GBE1: variants seen among roughly 807,000 people sequenced by gnomAD.
GBE1 encodes the protein 1,4-alpha-glucan branching enzyme 1, also known as 1,4-alpha-glucan-branching enzyme.
GBE1 carries 70 observed loss-of-function variants against 88.8 expected under a neutral mutation model. The ratio of observed to expected loss-of-function variants is 0.79; its 90% CI spans 0.65 to 0.96. The LOEUF is 0.96. Among genes scored for constraint, GBE1 ranks in the 40% least tolerant of loss-of-function variants. The pLI is 0.00. For missense variants in GBE1, 872 were observed against 871.0 expected (o/e 1.00, Z -0.01); for synonymous variants, 284 against 300.1 (o/e 0.95, Z 0.56).
At position 81,705,429 on chromosome 3, in the gene GBE1, C is replaced by T. The variant is rs184391304; in HGVS notation, c.313+15G>A. Reference sequence around the variant, plus strand: ...TAAGATATTACTATTTAGTTCAATGCTTTCAAGTACTTACTAAAATCTCCA... The same window carrying T: ...TAAGATATTACTATTTAGTTCAATGTTTTCAAGTACTTACTAAAATCTCCA... On this transcript the variant is annotated intron_variant, in intron 2 of 15. Transcript: ENST00000429644. 381 of 1,540,322 alleles carry T rather than the reference C, an allele frequency of 2.5e-4. No homozygotes were observed. Among genetic ancestry groups the T allele is most frequent in the Non-Finnish European group, 3.0e-4 (343 of 1,145,528 alleles).
intron 14 of GBE1, among the ~76,000 whole-genome samples, chr3:81,525,870 T>G (rs758755358): frequency 6.6e-6 from 1 of 152,066 alleles, no homozygotes; most frequent in Non-Finnish European, 1.5e-5. Context: ...TGGGGGTTGG[T>G]GGTGATATCC....
At chr3:81,735,727 G>A (rs2680267) in intron 1 of GBE1, among the ~76,000 whole-genome samples, 145,575 of 152,286 alleles carry the variant, frequency 0.96, 69,626 homozygotes, top group East Asian at 1. Context: ...GATTTAAAGT[G>A]TACATTTGTG....
At chr3:81,648,161 C>G (rs1455824346) in intron 5 of GBE1, among the ~76,000 whole-genome samples, 1 of 152,096 alleles carries the variant, frequency 6.6e-6, no homozygotes, top group African/African-American at 2.4e-5. Flanking sequence ...AATTTGGACT[C>G]TCTAGCAGAA....
At chr3:81,731,002 T>C (rs934082513) in intron 1 of GBE1, among the ~76,000 whole-genome samples, 2 of 152,206 alleles carry the variant, frequency 1.3e-5, no homozygotes, top group Non-Finnish European at 2.9e-5. Context: ...TGGGACTTTG[T>C]GGATTACCTA....
intron 7 of GBE1, among the ~76,000 whole-genome samples, chr3:81,606,698 T>C (rs949213430): frequency 1.3e-5 from 2 of 152,240 alleles, no homozygotes; most frequent in Admixed American, 1.3e-4. Context: ...CCTAGCCAAA[T>C]GTCAATTAGA....
At chr3:81,699,914 A>C (rs1464993031) in intron 2 of GBE1, among the ~76,000 whole-genome samples, 1 of 152,234 alleles carries the variant, frequency 6.6e-6, no homozygotes, top group African/African-American at 2.4e-5. Flanking sequence ...CATTGACATA[A>C]GGCTTGGCCA....
chr3:81,560,314 A>C (rs951417219), intron 12 of GBE1, among the ~76,000 whole-genome samples: 2 of 152,022 alleles, frequency 1.3e-5, no homozygotes, highest in Non-Finnish European at 2.9e-5. Flanking sequence ...TAGATCAGAT[A>C]ATGTTTCTTA....
intron 14 of GBE1, among the ~76,000 whole-genome samples, chr3:81,506,035 A>C (rs1451345676): frequency 6.6e-6 from 1 of 152,114 alleles, no homozygotes; most frequent in Non-Finnish European, 1.5e-5. Flanking sequence ...CATGACGAAG[A>C]CACTAAAAGC....
chr3:81,528,229 AG>A (rs1483356402), intron 14 of GBE1, among the ~76,000 whole-genome samples: 2 of 30,274 alleles, frequency 6.6e-5, no homozygotes, highest in Non-Finnish European at 1.2e-4. Flanking sequence ...GGGTGGGAGG[AG>A]GGGGGAGGGG....
At chr3:81,674,981 A>G in intron 2 of GBE1, among the ~76,000 whole-genome samples, 1 of 152,044 alleles carries the variant, frequency 6.6e-6, no homozygotes, top group Non-Finnish European at 1.5e-5. Context: ...TATAGTTTAC[A>G]TGAGAATCAC....
Position 81,490,254 on chromosome 3 carries a change from TG to T in GBE1, c.*152del. ...CCCATCTACTTAAATAAAAGTTTGCTGTATTTGCATAAACCAATATTGAATT... is the reference window on the plus strand; with the variant it reads ...CCCATCTACTTAAATAAAAGTTTGCTTATTTGCATAAACCAATATTGAATT... On this transcript the variant is annotated 3_prime_UTR_variant, in exon 16 of 16. Transcript: ENST00000429644. The T allele has an allele frequency of 1.6e-6, 1 of 640,250 alleles. No homozygotes were observed. The highest frequency in any genetic ancestry group is 1.9e-5 in the South Asian group (1 of 51,880). The allele number at this position is 640,250 out of a possible 1,614,324, so 39.7% of individuals were successfully genotyped here. A position where few individuals can be genotyped will look rare whatever the true frequency, so the allele number is the denominator to read the frequency against.
intron 3 of GBE1, among the ~76,000 whole-genome samples, chr3:81,650,593 G>T (rs1031800910): frequency 1.3e-5 from 2 of 151,536 alleles, no homozygotes; most frequent in Admixed American, 6.6e-5. Context: ...TTAAGACTTA[G>T]AACTGAATAA....
intron 2 of GBE1, among the ~76,000 whole-genome samples, chr3:81,693,596 T>C (rs1013331281): frequency 5.9e-5 from 9 of 152,270 alleles, no homozygotes; most frequent in African/African-American, 2.2e-4. Context: ...TAACACAGTA[T>C]TTGGCACACA....
At chr3:81,576,724 T>G (rs1461656645) in intron 12 of GBE1, among the ~76,000 whole-genome samples, 4 of 151,710 alleles carry the variant, frequency 2.6e-5, no homozygotes, top group Non-Finnish European at 4.4e-5. Context: ...GTCTCACAAC[T>G]CAGGAAGGTC....
chr3:81,615,859 G>A (rs1316482880), intron 7 of GBE1, among the ~76,000 whole-genome samples: 3 of 152,116 alleles, frequency 2.0e-5, no homozygotes, highest in Non-Finnish European at 2.9e-5. Flanking sequence ...CTACTACATT[G>A]TTTTGCAGTG....
intron 6 of GBE1, among the ~76,000 whole-genome samples, chr3:81,645,933 G>T (rs1193285727): frequency 6.6e-6 from 1 of 152,100 alleles, no homozygotes; most frequent in Non-Finnish European, 1.5e-5. Flanking sequence ...GAATCCCTTG[G>T]TGTCTTTTCT....
Position 81,693,140 on chromosome 3 carries a change from G to T in GBE1, c.313+12304C>A, listed in dbSNP as rs76676710. ...ATCAGCTTGACAAAAAAGGTCTCAT[G>T]TATCATTTAAATCAATTACAGATTC... On this transcript the variant is annotated intron_variant, in intron 2 of 15. Transcript: ENST00000429644. Among the ~76,000 whole-genome samples the T allele has an allele frequency of 1.4e-4, 21 of 152,226 alleles. No homozygotes were observed. In the East Asian group the frequency reaches 4.0e-3, roughly 29 times the overall value.
At chr3:81,577,479 C>A (rs2106932963) in intron 12 of GBE1, among the ~76,000 whole-genome samples, 1 of 152,194 alleles carries the variant, frequency 6.6e-6, no homozygotes, top group East Asian at 1.9e-4. Flanking sequence ...AACACAATAT[C>A]TCTGAACCTA....
At chr3:81,533,459 T>C (rs1322710041) in intron 14 of GBE1, among the ~76,000 whole-genome samples, 1 of 152,074 alleles carries the variant, frequency 6.6e-6, no homozygotes, top group East Asian at 1.9e-4. Flanking sequence ...TCTGATGTTA[T>C]GTGGAACAGT....
Sources: gnomAD v4.1 joint callset for allele counts (sites outside exome capture counted in the v4.1 genomes callset) on GRCh38, gnomAD v4.1.1 for gene constraint, MANE v1.5 for transcripts, NCBI Gene and HGNC (gene_info 2026-07-23, HGNC 2026-07-21) for gene names.